Variants in ZZEF1 observed in about 807,000 individuals in gnomAD.
The protein encoded by ZZEF1 is zinc finger ZZ-type and EF-hand domain containing 1, also known as zinc finger ZZ-type and EF-hand domain-containing protein 1.
Under a neutral mutation model 342.8 loss-of-function variants are expected in ZZEF1, and 157 were observed. The ratio of observed to expected loss-of-function variants is 0.46; its 90% CI spans 0.40 to 0.52. The LOEUF (loss-of-function observed/expected upper bound fraction) is 0.52. Among genes scored for constraint, ZZEF1 ranks in the 20% least tolerant of loss-of-function variants. The probability of loss-of-function intolerance (pLI) is 0.00; values close to 1 mark genes in which losing one functional copy is unlikely to be tolerated. For missense variants in ZZEF1, 3,480 were observed against 3,725.6 expected (o/e 0.93, Z 1.72); for synonymous variants, 1,505 against 1,429.1 (o/e 1.05, Z -1.20).
intron 42 of ZZEF1, among the ~76,000 whole-genome samples, chr17:4,031,746 C>A (rs1388092842): frequency 2.0e-5 from 3 of 152,194 alleles, no homozygotes; most frequent in African/African-American, 7.2e-5. Flanking sequence ...TGGAAAGTTA[C>A]ATGAATTCTA....
chr17:4,076,008 A>T (rs1193688954), intron 21 of ZZEF1: 1 of 152,284 alleles, frequency 6.6e-6, no homozygotes, highest in Non-Finnish European at 1.5e-5. Flanking sequence ...GACAAAATGT[A>T]ATTTGCCTTT....
chr17:4,067,377 GAGACTCAGGGA>G (rs1245304953), intron 26 of ZZEF1, 135 bp from the exon 27 acceptor site: 2 of 525,230 alleles, frequency 3.8e-6, no homozygotes, highest in African/African-American at 3.9e-5. Flanking sequence ...GATGGTAAGA[GAGACTCAGGGA>G]AAAAAATATT....
At chr17:4,142,415 G>T (rs898915814) in intron 1 of ZZEF1, 127 bp downstream of exon 1, 2 of 1,005,276 alleles carry the variant, frequency 2.0e-6, no homozygotes, top group Middle Eastern at 3.0e-4. Flanking sequence ...CAAACGCCTG[G>T]TGAAAAGCTG....
At chr17:4,066,732 T>G (rs140377518) in intron 27 of ZZEF1, among the ~76,000 whole-genome samples, 192 bp from the exon 28 acceptor site, 5 of 152,284 alleles carry the variant, frequency 3.3e-5, no homozygotes, top group African/African-American at 1.2e-4. Context: ...CAGGGGGCTT[T>G]CTCTAAAGCC....
rs115804026 is a variant in ZZEF1 at position 4,060,056 on chromosome 17, C to T, written c.4884-766G>A. Reference sequence around the variant, plus strand: ...TTAGATTCCATGGCCCATAATCATACCTTAGCAAACACTAACTCCCGTGTC... The same window carrying T: ...TTAGATTCCATGGCCCATAATCATATCTTAGCAAACACTAACTCCCGTGTC... On this transcript the variant is annotated intron_variant, in intron 30 of 54. Coordinates refer to ENST00000381638, the MANE Select transcript of ZZEF1 (RefSeq NM_015113.4). Among the ~76,000 whole-genome samples, 468 of 152,348 alleles carry T rather than the reference C, an allele frequency of 3.1e-3. 2 individuals are homozygous for T. The highest frequency in any genetic ancestry group is 0.01 in the African/African-American group (430 of 41,580).
rs942861987 is a variant in ZZEF1 at position 4,014,305 on chromosome 17, T to C, written c.8314+42A>G. The C allele has an allele frequency of 1.2e-6, 2 of 1,612,952 alleles. No individual in the cohort carries two copies. Among genetic ancestry groups the C allele is most frequent in the African/African-American group, 2.7e-5 (2 of 74,898 alleles). ...CCTTCTCAATATTAAGTTTAAACAC[T>C]GCCTGTGAAGAACCTATCTAATCGA... On this transcript the variant is annotated intron_variant, in intron 50 of 54. Transcript: ENST00000381638. The surrounding 1 kb of genome is among the most constrained non-coding windows in gnomAD (Gnocchi z 4.4).
intron 39 of ZZEF1, among the ~76,000 whole-genome samples, chr17:4,040,597 G>A (rs1389508830): frequency 6.6e-6 from 1 of 152,042 alleles, no homozygotes; most frequent in Non-Finnish European, 1.5e-5. Context: ...GAAAAAAGTG[G>A]GTAAAAATTT....
intron 41 of ZZEF1, among the ~76,000 whole-genome samples, 177 bp downstream of exon 41, chr17:4,032,651 A>G (rs145552359): frequency 6.8e-4 from 104 of 152,366 alleles, no homozygotes; most frequent in African/African-American, 2.5e-3. Context: ...ATGCAAGTTG[A>G]ATAAACCATC....
Position 4,074,198 on chromosome 17 carries a change from G to A in ZZEF1, c.3637C>T (p.Leu1213=), listed in dbSNP as rs750390295. The change falls in exon 24 of 55, where the codon CTG becomes TTG. Residue 1213 remains leucine, a synonymous_variant. Transcript: ENST00000381638. ...CACTGGGAAGCCAGGCGTCCCATCA[G>A]CCGGGAGACGAGGAGCTGTAAATCC... ...GLDLQLLVSR[L]MGRLASQCMA... 2 of 1,614,070 alleles carry A rather than the reference G, an allele frequency of 1.2e-6. No homozygotes were observed. Among genetic ancestry groups the A allele is most frequent in the Non-Finnish European group, 1.7e-6 (2 of 1,179,958 alleles).
chr17:4,075,305 T>C lies in ZZEF1; in HGVS notation c.3359A>G (p.Tyr1120Cys), dbSNP rs201679144. 26 of 1,614,254 alleles carry C rather than the reference T, an allele frequency of 1.6e-5. No homozygotes were observed. In the African/African-American group the frequency reaches 2.1e-4, roughly 13 times the overall value. The change falls in exon 22 of 55, where the codon TAT (tyrosine) becomes TGT (cysteine). Residue 1120 changes from tyrosine (Y) to cysteine (C), a missense_variant. Physicochemically the swap from Tyr to Cys is radical, Grantham distance 194 (BLOSUM62 -2). Coordinates refer to ENST00000381638, the MANE Select transcript of ZZEF1 (RefSeq NM_015113.4). ...CCTGTCATCGAATTCCACTTCAAAA[T>C]AGGTTGCCCCTGGGCTAACAAAGAC... ...VSVFVSPGAT[Y>C]FEVEFDDRCE...
Position 4,016,116 on chromosome 17 carries a change from G to A in ZZEF1, c.8145+207C>T, listed in dbSNP as rs895324474. Reference sequence around the variant, plus strand: ...CTTCTATTAAAACAAGAAAAGTCCGGAGAAGAGAAGACTTGCTTGTACAGA... The same window carrying A: ...CTTCTATTAAAACAAGAAAAGTCCGAAGAAGAGAAGACTTGCTTGTACAGA... On this transcript the variant is annotated intron_variant, in intron 49 of 54. Transcript: ENST00000381638. The surrounding 1 kb of genome is among the most constrained non-coding windows in gnomAD (Gnocchi z 4.4). Among the ~76,000 whole-genome samples, 3 of 152,198 alleles carry A rather than the reference G, an allele frequency of 2.0e-5. No homozygotes were observed. Among genetic ancestry groups the A allele is most frequent in the Admixed American group, 6.5e-5 (1 of 15,276 alleles).
At position 4,067,240 on chromosome 17, in the gene ZZEF1, T is replaced by A; in HGVS notation, c.4078A>T (p.Asn1360Tyr). The A allele has an allele frequency of 6.2e-7, 1 of 1,612,376 alleles. No homozygotes were observed. The highest frequency in any genetic ancestry group is 8.5e-7 in the Non-Finnish European group (1 of 1,179,296). ...CTCAGGGCTATTTTGCCCCCACTGTTGACTGGGGAGAGAAGCAGAGATGGA... is the reference window on the plus strand; with the variant it reads ...CTCAGGGCTATTTTGCCCCCACTGTAGACTGGGGAGAGAAGCAGAGATGGA... ...DLYEKLQKYV[N>Y]SGGKIALSEE... is the part of the protein sequence containing the mutation. Residue 1360 changes from asparagine to tyrosine, a missense_variant and splice_region_variant, in exon 27 of 55, where the codon AAC (asparagine) becomes TAC (tyrosine). Physicochemically the swap from Asn to Tyr is moderately radical, Grantham distance 143. Coordinates refer to ENST00000381638, the MANE Select transcript of ZZEF1 (RefSeq NM_015113.4).
In ZZEF1 at chr17:4,028,236, T is replaced by C. The variant is rs1233229895; in HGVS notation, c.6893-3118A>G. ...ATATGACATAAATCTCACAATACAT[T>C]ACATTTTTTTGCTTCAAAAAGTGAG... is the stretch of plus-strand genomic sequence containing the variant. On this transcript the variant is annotated intron_variant, in intron 42 of 54. Transcript: ENST00000381638. Among the ~76,000 whole-genome samples, 3 of 152,170 alleles carry C rather than the reference T, an allele frequency of 2.0e-5. No homozygotes were observed. The East Asian group carries it at 5.8e-4, about 29-fold the overall frequency.
At chr17:4,042,880 C>T (rs2056832251) in intron 38 of ZZEF1, among the ~76,000 whole-genome samples, 1 of 152,172 alleles carries the variant, frequency 6.6e-6, no homozygotes, top group East Asian at 1.9e-4. Flanking sequence ...CGGGGTTTCA[C>T]CATGTTGGCC....
intron 2 of ZZEF1, among the ~76,000 whole-genome samples, chr17:4,119,956 T>C (rs763861004): frequency 3.3e-5 from 5 of 152,124 alleles, no homozygotes; most frequent in Non-Finnish European, 7.3e-5. Context: ...CTAACAGCAT[T>C]CTCCATACTA....
chr17:4,019,117 A>G (rs557453767), intron 46 of ZZEF1, among the ~76,000 whole-genome samples: 225 of 152,190 alleles, frequency 1.5e-3, no homozygotes, highest in Middle Eastern at 0.014. Flanking sequence ...TAGGCAATAT[A>G]TAAGAAACTA....
rs963476404 is a variant in ZZEF1, at chr17:4,005,549, G to T, written c.*1341C>A. 6.6e-6 allele frequency: 1 copy of T among 152,466 alleles called. No individual in the cohort carries two copies. The highest frequency in any genetic ancestry group is 2.1e-4 in the South Asian group (1 of 4,836). 9.4% of individuals were successfully genotyped at this position (152,466 alleles called of 1,614,324 possible). A position where few individuals can be genotyped will look rare whatever the true frequency, so the allele number is the denominator to read the frequency against. On this transcript the variant is annotated 3_prime_UTR_variant, in exon 55 of 55. Transcript: ENST00000381638. ...ACCTTGGAGTCCTGACCCAGAAGGC[G>T]AAAGTGCTCTTATAGGAAGATGCTT...
At chr17:4,092,960 A>G (rs79546583) in intron 11 of ZZEF1, among the ~76,000 whole-genome samples, 1 of 141,794 alleles carries the variant, frequency 7.1e-6, no homozygotes, top group Non-Finnish European at 1.6e-5. Flanking sequence ...GGACATGACC[A>G]AAAAAAAAAA....
In ZZEF1 at chr17:4,067,133, T is replaced by C. The variant is rs146417403; in HGVS notation, c.4155+30A>G. 256 of 1,588,858 alleles carry C rather than the reference T, an allele frequency of 1.6e-4. No homozygotes were observed. The African/African-American group carries it at 2.9e-3, about 18-fold the overall frequency. On this transcript the variant is annotated intron_variant, in intron 27 of 54. Coordinates refer to ENST00000381638, the MANE Select transcript of ZZEF1 (RefSeq NM_015113.4). ...ATATCACGGTAGAAAACCTAAAATATAGCAAAATCACATGCAAAGAAAATC... is the reference window on the plus strand; with the variant it reads ...ATATCACGGTAGAAAACCTAAAATACAGCAAAATCACATGCAAAGAAAATC...
Sources: allele counts gnomAD v4.1 joint callset (sites outside exome capture counted in the v4.1 genomes callset), GRCh38; gene constraint gnomAD v4.1.1; non-coding constraint Gnocchi (gnomAD v3.1); transcripts MANE v1.5; gene names NCBI Gene and HGNC (gene_info 2026-07-23, HGNC 2026-07-21).